The following ASH1L variants were observed in gnomAD, a reference collection of about 807,000 sequenced individuals.
ASH1L encodes the protein ASH1 like histone lysine methyltransferase, also known as histone-lysine N-methyltransferase ASH1L.
In ASH1L, 23 loss-of-function variants were observed where a neutral mutation model predicts 269.0. The observed-to-expected ratio is 0.09, with a 90% CI of 0.06 to 0.12. ASH1L has a LOEUF of 0.12. ASH1L is among the 10% of genes least tolerant of loss of function. ASH1L has a pLI of 1.00. For missense variants in ASH1L, 2,912 were observed against 3,567.8 expected, an observed-to-expected ratio of 0.82 and a Z score of 4.68; for synonymous variants, 1,187 against 1,253.5, an observed-to-expected ratio of 0.95 and a Z score of 1.12.
chr1:155,354,934 G>A (rs1654238835), intron 15 of ASH1L, among the ~76,000 whole-genome samples: 1 of 152,210 alleles, frequency 6.6e-6, no homozygotes, highest in African/African-American at 2.4e-5. Context: ...TCAAGATGAA[G>A]TAGGGTCTCA....
rs762143869 is a variant in ASH1L at position 155,480,670 on chromosome 1, G to C, written c.2200C>G (p.Leu734Val). Reference protein sequence around the residue: ...ARSTCRSPKGLELERSELFKN... With the variant: ...ARSTCRSPKGVELERSELFKN... ...AAAAGCTCTGATCTTTCTAATTCTA[G>C]CCCTTTTGGAGACCGGCATGTGCTT... The change falls in exon 3 of 28, where the codon CTA (leucine) becomes GTA (valine). Residue 734 changes from leucine to valine, a missense_variant. Leu to Val is a conservative substitution (Grantham distance 32). Coordinates refer to ENST00000392403, the MANE Select transcript of ASH1L (RefSeq NM_018489.3). 8.7e-6 allele frequency: 14 copies of C among 1,613,746 alleles called. No individual in the cohort carries two copies. In the South Asian group the frequency reaches 1.4e-4, roughly 16 times the overall value.
chr1:155,423,856 A>C (rs943550848), intron 5 of ASH1L, among the ~76,000 whole-genome samples: 5 of 152,032 alleles, frequency 3.3e-5, no homozygotes, highest in African/African-American at 1.2e-4. Flanking sequence ...CAGCCTCCGG[A>C]GTAGCTAGGA....
In ASH1L at chr1:155,390,635, C is replaced by G. The variant is rs575130356; in HGVS notation, c.6103+4824G>C. Among the ~76,000 whole-genome samples the G allele has an allele frequency of 5.9e-4, 70 of 119,642 alleles. 1 individual carries two copies. The highest frequency in any genetic ancestry group is 1.8e-3 in the African/African-American group (48 of 25,970). 78.5% of individuals were successfully genotyped at this position (119,642 alleles called of 152,430 possible). A position where few individuals can be genotyped will look rare whatever the true frequency, so the allele number is the denominator to read the frequency against. ...ATATCTGTAGTTAATATCATTCTCC[C>G]CCCCCCCCCTTTTTTCTTTCTTTTT... On this transcript the variant is annotated intron_variant, in intron 7 of 27. Transcript: ENST00000392403.
At chr1:155,511,879 C>T (rs1377288510) in intron 2 of ASH1L, among the ~76,000 whole-genome samples, 3 of 151,956 alleles carry the variant, frequency 2.0e-5, no homozygotes, top group African/African-American at 7.3e-5. Context: ...GCCGGGATCT[C>T]GGCTCACCAC....
At chr1:155,402,990 C>A (rs1413289184) in intron 6 of ASH1L, among the ~76,000 whole-genome samples, 5 of 150,472 alleles carry the variant, frequency 3.3e-5, no homozygotes, top group Non-Finnish European at 5.9e-5. Flanking sequence ...CCAGCCTGGC[C>A]AACATGGTGA....
chr1:155,388,890 A>G (rs1489051103), intron 7 of ASH1L, among the ~76,000 whole-genome samples: 1 of 150,488 alleles, frequency 6.6e-6, no homozygotes, highest in East Asian at 2.0e-4. Flanking sequence ...TTATTGCTTT[A>G]TAGAGAGAGG....
At chr1:155,427,632 G>T (rs57807227) in intron 5 of ASH1L, among the ~76,000 whole-genome samples, 8,448 of 150,130 alleles carry the variant, frequency 0.056, 783 homozygotes, top group African/African-American at 0.2. Context: ...AGAGATGGGT[G>T]TTCACTATGT....
chr1:155,512,448 CTTT>C (rs1217608016), intron 2 of ASH1L, among the ~76,000 whole-genome samples: 1 of 93,688 alleles, frequency 1.1e-5, no homozygotes, highest in African/African-American at 3.8e-5. Context: ...GGATCTTAGA[CTTT>C]TTTTTTTTTT....
intron 5 of ASH1L, among the ~76,000 whole-genome samples, chr1:155,436,222 T>G (rs1466662942): frequency 6.6e-6 from 1 of 152,096 alleles, no homozygotes; most frequent in Non-Finnish European, 1.5e-5. Flanking sequence ...AAAGTTTCGC[T>G]CTTGTTGCCC....
At chr1:155,434,204 G>C (rs1661885410) in intron 5 of ASH1L, 21 of 1,596,472 alleles carry the variant, frequency 1.3e-5, no homozygotes, top group Middle Eastern at 1.7e-4. Flanking sequence ...TTTCCCTGAG[G>C]GGGAAGCCTT....
intron 6 of ASH1L, among the ~76,000 whole-genome samples, chr1:155,411,478 GA>G (rs1659754389): frequency 1.3e-5 from 2 of 149,026 alleles, no homozygotes; most frequent in African/African-American, 4.9e-5. Context: ...CAAAAGATCA[GA>G]ATCTTCCATT....
chr1:155,365,893 C>T (rs370330122), intron 12 of ASH1L, among the ~76,000 whole-genome samples: 11 of 152,128 alleles, frequency 7.2e-5, no homozygotes, highest in East Asian at 1.9e-4. Flanking sequence ...ATATCATCAC[C>T]GCTATTCAAC....
Position 155,545,269 on chromosome 1 carries a change from G to C in ASH1L, c.-100+16884C>G, listed in dbSNP as rs547231619. Among the ~76,000 whole-genome samples, 4 of 144,632 alleles carry C rather than the reference G, an allele frequency of 2.8e-5. No homozygotes were observed. The South Asian group carries it at 9.2e-4, about 33-fold the overall frequency. The allele number at this position is 144,632 out of a possible 152,430, so 94.9% of individuals were successfully genotyped here. A position where few individuals can be genotyped will look rare whatever the true frequency, so the allele number is the denominator to read the frequency against. ...ATAGCAAGTAATACTGATAATGTAT[G>C]GTAAATGGGCACTAGTGGCCACCAT... On this transcript the variant is annotated intron_variant, in intron 1 of 27. Coordinates refer to ENST00000392403, the MANE Select transcript of ASH1L (RefSeq NM_018489.3).
intron 20 of ASH1L, among the ~76,000 whole-genome samples, chr1:155,347,124 C>T (rs1329249955): frequency 2.6e-5 from 4 of 152,172 alleles, no homozygotes; most frequent in African/African-American, 7.2e-5. Context: ...AAGAGCCAGG[C>T]GTGGTGGCTC....
intron 5 of ASH1L, among the ~76,000 whole-genome samples, chr1:155,427,376 C>G (rs1486096263): frequency 2.3e-4 from 35 of 151,776 alleles, no homozygotes; most frequent in Non-Finnish European, 2.5e-4. Flanking sequence ...GGCCAGATCC[C>G]GGCTCACTGC....
intron 1 of ASH1L, among the ~76,000 whole-genome samples, chr1:155,525,639 T>C (rs1669200521): frequency 6.6e-6 from 1 of 151,988 alleles, no homozygotes; most frequent in African/African-American, 2.4e-5. Context: ...GGCACCAACA[T>C]TTGGGTAATG....
intron 1 of ASH1L, among the ~76,000 whole-genome samples, chr1:155,523,157 A>G (rs1457154129): frequency 6.6e-6 from 1 of 152,186 alleles, no homozygotes; most frequent in Non-Finnish European, 1.5e-5. Context: ...ATGAAGTAGA[A>G]TATTTTAAAC....
intron 1 of ASH1L, among the ~76,000 whole-genome samples, chr1:155,555,476 A>G (rs997144882): frequency 4.0e-4 from 60 of 149,134 alleles, no homozygotes; most frequent in African/African-American, 1.4e-3. Context: ...CAGCCTGGGC[A>G]ACAGAGTGAG....
In ASH1L at chr1:155,521,318, C is replaced by T; in HGVS notation, c.202G>A (p.Asp68Asn). 2 of 1,614,132 alleles carry T rather than the reference C, an allele frequency of 1.2e-6. No homozygotes were observed. The highest frequency in any genetic ancestry group is 1.7e-6 in the Non-Finnish European group (2 of 1,180,008). ...IEAGKDDGLT[D>N]AQQQFSVKET... Reference sequence around the variant, plus strand: ...TTCACTGAAAACTGTTGCTGTGCATCAGTCAAACCATCATCTTTCCCAGCT... The same window carrying T: ...TTCACTGAAAACTGTTGCTGTGCATTAGTCAAACCATCATCTTTCCCAGCT... Residue 68 changes from aspartate to asparagine, a missense_variant, in exon 2 of 28, where the codon GAT becomes AAT. Around this residue, in one of 13 missense-constraint regions of ASH1L, gnomAD observed 115 missense variants for 101.5 expected, o/e 1.13. Coordinates refer to ENST00000392403, the MANE Select transcript of ASH1L (RefSeq NM_018489.3).
Sources: allele counts gnomAD v4.1 joint callset (sites outside exome capture counted in the v4.1 genomes callset), GRCh38; gene constraint gnomAD v4.1.1; regional missense constraint gnomAD v4.1.1; transcripts MANE v1.5; gene names NCBI Gene and HGNC (gene_info 2026-07-23, HGNC 2026-07-21).